Variants in AGBL4 observed in about 807,000 individuals in gnomAD.
The protein encoded by AGBL4 is cytosolic carboxypeptidase 6.
Under a neutral mutation model 66.4 loss-of-function variants are expected in AGBL4, and 58 were observed. The ratio of observed to expected loss-of-function variants is 0.87; its 90% CI spans 0.71 to 1.09. AGBL4 has a LOEUF of 1.09. Ranked by LOEUF, AGBL4 falls within the 50% of genes least tolerant of loss-of-function variation. The probability of loss-of-function intolerance (pLI) is 0.00; values close to 1 mark genes in which losing one functional copy is unlikely to be tolerated. For missense variants in AGBL4, 579 were observed against 631.0 expected (o/e 0.92, Z 0.88); for synonymous variants, 234 against 222.9 (o/e 1.05, Z -0.44).
At position 49,515,094 on chromosome 1, in the gene AGBL4, A is replaced by T. The variant is rs1019782097; in HGVS notation, c.282+182219T>A. ...GCAAAAGAAATTACCATCAGACTGA[A>T]CAGGCAACCTACAGAATGGGAGAAG... On this transcript the variant is annotated intron_variant, in intron 3 of 13. Coordinates refer to ENST00000371839, the MANE Select transcript of AGBL4 (RefSeq NM_032785.4). Among the ~76,000 whole-genome samples the T allele has an allele frequency of 2.0e-5, 3 of 152,170 alleles. No individual in the cohort carries two copies. The East Asian group carries it at 5.8e-4, about 29-fold the overall frequency.
chr1:49,510,200 C>G, intron 3 of AGBL4, among the ~76,000 whole-genome samples: 1 of 152,018 alleles, frequency 6.6e-6, no homozygotes, highest in Non-Finnish European at 1.5e-5. Context: ...GTCCCACCAA[C>G]AGTGTAAAAG....
intron 2 of AGBL4, among the ~76,000 whole-genome samples, chr1:49,802,303 C>T (rs533061118): frequency 2.0e-5 from 3 of 152,194 alleles, no homozygotes; most frequent in African/African-American, 4.8e-5. Context: ...GGGCTACAAA[C>T]GCCCTCATCT....
chr1:49,650,944 C>G (rs747508391), intron 3 of AGBL4, among the ~76,000 whole-genome samples: 8 of 152,128 alleles, frequency 5.3e-5, no homozygotes, highest in Admixed American at 1.3e-4. Context: ...ATGGTAGCTG[C>G]ACCCCACTGA....
intron 4 of AGBL4, among the ~76,000 whole-genome samples, chr1:49,170,311 A>T (rs1443536744): frequency 1.4e-5 from 2 of 144,452 alleles, no homozygotes; most frequent in African/African-American, 5.0e-5. Flanking sequence ...TAAATATGTT[A>T]TAAATTTATA....
At chr1:49,318,247 T>C (rs1156433014) in intron 3 of AGBL4, among the ~76,000 whole-genome samples, 1 of 151,976 alleles carries the variant, frequency 6.6e-6, no homozygotes, top group Non-Finnish European at 1.5e-5. Flanking sequence ...TTTCCTAAAC[T>C]ATAAAATATA....
chr1:49,842,384 C>T, intron 2 of AGBL4: 1 of 628,488 alleles, frequency 1.6e-6, no homozygotes, highest in South Asian at 1.9e-5. Flanking sequence ...AGGCATGTAC[C>T]CAGGTGAGAT....
Position 49,262,804 on chromosome 1 carries a change from G to C in AGBL4, c.283-16940C>G, listed in dbSNP as rs1460185136. On this transcript the variant is annotated intron_variant, in intron 3 of 13. Transcript: ENST00000371839. ...ATTTAACCCAGCCATCCCATTACTG[G>C]GTATATACCCAAAGGACTATAAATC... 2.0e-5 allele frequency among the ~76,000 whole-genome samples: 3 copies of C among 152,048 alleles called. No homozygotes were observed. The South Asian group carries it at 6.2e-4, about 32-fold the overall frequency.
intron 3 of AGBL4, among the ~76,000 whole-genome samples, chr1:49,343,033 G>A (rs1645571344): frequency 6.6e-6 from 1 of 152,084 alleles, no homozygotes; most frequent in Non-Finnish European, 1.5e-5. Context: ...GGACAACCAA[G>A]CTATACATAT....
At chr1:49,608,858 T>C (rs1645105567) in intron 3 of AGBL4, among the ~76,000 whole-genome samples, 2 of 152,208 alleles carry the variant, frequency 1.3e-5, no homozygotes, top group African/African-American at 2.4e-5. Flanking sequence ...ATATTCTTTA[T>C]AGATACTATA....
intron 3 of AGBL4, among the ~76,000 whole-genome samples, chr1:49,501,235 T>C (rs1006359409): frequency 2.6e-5 from 4 of 152,160 alleles, no homozygotes; most frequent in African/African-American, 9.6e-5. Flanking sequence ...CAGCAAACTC[T>C]TTCAATGAGT....
intron 3 of AGBL4, among the ~76,000 whole-genome samples, chr1:49,617,210 G>A (rs1017915159): frequency 2.6e-5 from 4 of 152,102 alleles, no homozygotes; most frequent in South Asian, 2.1e-4. Context: ...CCTAAAATAC[G>A]TATGTCAGTC....
intron 4 of AGBL4, among the ~76,000 whole-genome samples, chr1:49,072,292 T>G (rs1051311248): frequency 6.6e-6 from 1 of 152,210 alleles, no homozygotes; most frequent in Non-Finnish European, 1.5e-5. Context: ...CATTATGATG[T>G]TAGCTGGTTA....
intron 3 of AGBL4, among the ~76,000 whole-genome samples, chr1:49,623,025 C>A (rs1458234802): frequency 6.6e-6 from 1 of 152,148 alleles, no homozygotes. Context: ...CACACACACT[C>A]TCTCTCTCAA....
intron 11 of AGBL4, among the ~76,000 whole-genome samples, chr1:48,561,288 C>T (rs1276604331): frequency 2.6e-5 from 4 of 152,000 alleles, no homozygotes; most frequent in South Asian, 2.1e-4. Context: ...TCTCTTCCTT[C>T]CTCTTCTCTC....
intron 3 of AGBL4, among the ~76,000 whole-genome samples, chr1:49,394,199 C>G (rs756641624): frequency 2.0e-5 from 3 of 151,924 alleles, no homozygotes; most frequent in African/African-American, 4.8e-5. Context: ...GTGTCTTGTG[C>G]TGTGGCAACA....
chr1:49,628,225 C>G (rs1164735051), intron 3 of AGBL4, among the ~76,000 whole-genome samples: 1 of 152,110 alleles, frequency 6.6e-6, no homozygotes, highest in Non-Finnish European at 1.5e-5. Flanking sequence ...TCACCGTAAA[C>G]TCCACATTAT....
At chr1:49,382,440 A>AT (rs1276249521) in intron 3 of AGBL4, among the ~76,000 whole-genome samples, 1 of 152,142 alleles carries the variant, frequency 6.6e-6, no homozygotes, top group Non-Finnish European at 1.5e-5. Flanking sequence ...GAGAAAAAAA[A>AT]TTTTTTGACA....
intron 3 of AGBL4, among the ~76,000 whole-genome samples, chr1:49,282,390 C>T (rs1210692800): frequency 6.6e-6 from 1 of 152,066 alleles, no homozygotes; most frequent in South Asian, 2.1e-4. Context: ...GGGTATGGTA[C>T]TATTCAAAAG....
chr1:48,836,193 A>C (rs1472937452), intron 6 of AGBL4, among the ~76,000 whole-genome samples: 1 of 151,270 alleles, frequency 6.6e-6, no homozygotes, highest in Non-Finnish European at 1.5e-5. Flanking sequence ...GGCAACCCAG[A>C]TATGTCTTGG....
Sources: gnomAD v4.1 joint callset for allele counts (sites outside exome capture counted in the v4.1 genomes callset) on GRCh38, gnomAD v4.1.1 for gene constraint, MANE v1.5 for transcripts, NCBI Gene and HGNC (gene_info 2026-07-23, HGNC 2026-07-21) for gene names.